LAMB4: variants seen among roughly 807,000 people sequenced by gnomAD.
LAMB4 encodes laminin subunit beta 4, also known as laminin subunit beta-4.
A neutral mutation model predicts 199.2 loss-of-function variants in LAMB4; 196 were observed. The observed-to-expected ratio is 0.98, with a 90% CI of 0.88 to 1.11. The LOEUF (loss-of-function observed/expected upper bound fraction) is 1.11, where lower values mean the gene tolerates loss of function less well. Among genes scored for constraint, LAMB4 ranks in the 50% least tolerant of loss-of-function variants. LAMB4 has a pLI of 0.00. For missense variants in LAMB4, 2,080 were observed against 2,171.2 expected (o/e 0.96, Z 0.83); for synonymous variants, 744 against 770.6 (o/e 0.97, Z 0.57).
chr7:108,066,462 G>T lies in LAMB4; in HGVS notation c.2585C>A (p.Pro862His). ...AGYFGFPSCH[P>H]CPCNRFAELC... is the part of the protein sequence containing the mutation. ...TTCAGCAAACCTATTACAAGGGCAAGGGTGGCAGCTGGGAAATCCAAAGTA... is the reference window on the plus strand; with the variant it reads ...TTCAGCAAACCTATTACAAGGGCAATGGTGGCAGCTGGGAAATCCAAAGTA... Residue 862 changes from proline to histidine, a missense_variant, in exon 20 of 34, where the codon CCT becomes CAT. Physicochemically the swap from Pro to His is moderately conservative, Grantham distance 77. Coordinates refer to ENST00000388781, the MANE Select transcript of LAMB4 (RefSeq NM_007356.3). 1 of 1,614,226 alleles carries T rather than the reference G, an allele frequency of 6.2e-7. No individual in the cohort carries two copies. Among genetic ancestry groups the T allele is most frequent in the South Asian group, 1.1e-5 (1 of 91,080 alleles).
chr7:108,066,540 C>G lies in LAMB4; in HGVS notation c.2507G>C (p.Cys836Ser), dbSNP rs2036350025. ...GCCAGACACCTCTCCATGGCAGGGG[C>G]ACTGTCCTGTTACTTGGTCACATAC... ...DTVCDQVTGQ[C>S]PCHGEVSGRR... Residue 836 changes from cysteine to serine, a missense_variant, in exon 20 of 34, where the codon TGC becomes TCC. Physicochemically the swap from Cys to Ser is moderately radical, Grantham distance 112. Coordinates refer to ENST00000388781, the MANE Select transcript of LAMB4 (RefSeq NM_007356.3). 1 of 1,613,776 alleles carries G rather than the reference C, an allele frequency of 6.2e-7. No homozygotes were observed.
In LAMB4 at chr7:108,067,955, C is replaced by T. The variant is rs954070923; in HGVS notation, c.2446+61G>A. The T allele has an allele frequency of 2.5e-6, 4 of 1,605,644 alleles. No homozygotes were observed. The African/African-American group carries it at 5.3e-5, about 21-fold the overall frequency. On this transcript the variant is annotated intron_variant, in intron 19 of 33. Transcript: ENST00000388781. ...ATTAAAACCCCCCTCCATGACTTTG[C>T]CTGCTGTCAAAATGTCAAGACTGTG...
chr7:108,048,157 GCT>G, intron 27 of LAMB4, 46 bp from the exon 28 acceptor site: 4 of 649,490 alleles, frequency 6.2e-6, no homozygotes, highest in Non-Finnish European at 9.7e-6. Context: ...TGTTGTCAGA[GCT>G]TTTTTTTTTT....
At chr7:108,078,417 G>A (rs866938128) in intron 15 of LAMB4, 101 bp from the exon 16 acceptor site, 79 of 726,820 alleles carry the variant, frequency 1.1e-4, no homozygotes, top group Middle Eastern at 4.9e-4. Context: ...ACTTGAATTT[G>A]CAACCCCTAG....
Position 108,092,515 on chromosome 7 carries a change from T to C in LAMB4, c.1471-99A>G, listed in dbSNP as rs2037447855. 13 of 871,458 alleles carry C rather than the reference T, an allele frequency of 1.5e-5. No homozygotes were observed. The East Asian group carries it at 3.3e-4, about 22-fold the overall frequency. 54.0% of individuals were successfully genotyped at this position (871,458 alleles called of 1,614,324 possible). ...TACAATGCAATTGCCACACGTCAAA[T>C]AGCCAAACAGCCTGCACCATCTCAG... On this transcript the variant is annotated intron_variant, in intron 12 of 33. Transcript: ENST00000388781.
chr7:108,107,279 G>T (rs1211140216), intron 6 of LAMB4, among the ~76,000 whole-genome samples: 2 of 152,172 alleles, frequency 1.3e-5, no homozygotes, highest in African/African-American at 4.8e-5. Flanking sequence ...CTGGGGTGGT[G>T]GTTTACAGAG....
At chr7:108,121,261 T>C (rs1447185310) in intron 2 of LAMB4, among the ~76,000 whole-genome samples, 1 of 152,228 alleles carries the variant, frequency 6.6e-6, no homozygotes, top group Non-Finnish European at 1.5e-5. Flanking sequence ...AAGGAAAATA[T>C]ACAGTAAATT....
chr7:108,111,065 G>C (rs1214357695), intron 4 of LAMB4, among the ~76,000 whole-genome samples: 1 of 152,176 alleles, frequency 6.6e-6, no homozygotes, highest in African/African-American at 2.4e-5. Flanking sequence ...TCATCTTGTG[G>C]GGGTTAAGGA....
rs1399319431 is a variant in LAMB4, at chr7:108,098,422, G to A, written c.1341C>T (p.Thr447=). ...CKPNHYGLSA[T]DPLGCQPCDC... is the part of the protein sequence containing the mutation. ...ACTTACGCTGGCAGCCCAGGGGGTC[G>A]GTGGCGCTTAGTCCGTAGTGGTTGG... Residue 447 remains threonine (T), a synonymous_variant, in exon 11 of 34, where the codon ACC becomes ACT. Transcript: ENST00000388781. 4.6e-6 allele frequency: 7 copies of A among 1,529,924 alleles called. No individual in the cohort carries two copies. Among genetic ancestry groups the A allele is most frequent in the Non-Finnish European group, 6.1e-6 (7 of 1,138,464 alleles). The allele number at this position is 1,529,924 out of a possible 1,614,324, so 94.8% of individuals were successfully genotyped here. A position where few individuals can be genotyped will look rare whatever the true frequency, so the allele number is the denominator to read the frequency against.
At chr7:108,113,949 C>T (rs2038322009) in intron 3 of LAMB4, among the ~76,000 whole-genome samples, 1 of 152,162 alleles carries the variant, frequency 6.6e-6, no homozygotes, top group South Asian at 2.1e-4. Context: ...GAGGTTTTTT[C>T]CAGCTCTAAG....
intron 27 of LAMB4, 150 bp downstream of exon 27, chr7:108,049,176 T>C: frequency 4.6e-6 from 1 of 215,944 alleles, no homozygotes; most frequent in Non-Finnish European, 8.8e-6. Flanking sequence ...TAATAAAACA[T>C]ATATATTTTA....
At chr7:108,097,891 A>T (rs2037672270) in intron 11 of LAMB4, among the ~76,000 whole-genome samples, 1 of 152,200 alleles carries the variant, frequency 6.6e-6, no homozygotes, top group African/African-American at 2.4e-5. Flanking sequence ...TGTTTGTTCC[A>T]GTGGGGAAAA....
chr7:108,028,129 T>G (rs1007002630), intron 33 of LAMB4, among the ~76,000 whole-genome samples: 3 of 152,154 alleles, frequency 2.0e-5, no homozygotes, highest in African/African-American at 7.2e-5. Context: ...AATGTCCATT[T>G]AGATCAAAAT....
At chr7:108,027,706 T>C (rs1584578974) in intron 33 of LAMB4, among the ~76,000 whole-genome samples, 1 of 152,210 alleles carries the variant, frequency 6.6e-6, no homozygotes, top group Non-Finnish European at 1.5e-5. Context: ...GTTAAGGACA[T>C]GATTGCCCCC....
At position 108,091,736 on chromosome 7, in the gene LAMB4, CAT is replaced by C. The variant is rs1366269293; in HGVS notation, c.1589_1590del (p.His530ArgfsTer5). 1.2e-6 allele frequency: 2 copies of C among 1,614,172 alleles called. No individual in the cohort carries two copies. Among genetic ancestry groups the C allele is most frequent in the Non-Finnish European group, 1.7e-6 (2 of 1,180,026 alleles). On this transcript the variant is annotated frameshift_variant, in exon 14 of 34. Transcript: ENST00000388781. LOFTEE classifies it high-confidence loss of function. ...GGTTCAGAGCAGCTACGGCCAGTGA[CAT>C]GTGGGCGGCATTCACACTGCCCATT... ...PKNGQCECRP[H>X]VTGRSCSEPA...
chr7:108,123,653 C>A (rs566573424), intron 1 of LAMB4, among the ~76,000 whole-genome samples: 1 of 152,296 alleles, frequency 6.6e-6, no homozygotes, highest in Non-Finnish European at 1.5e-5. Context: ...GGCAACAGAG[C>A]AAGACACTGG....
intron 15 of LAMB4, among the ~76,000 whole-genome samples, chr7:108,079,125 G>A (rs1350254784): frequency 6.6e-6 from 1 of 152,182 alleles, no homozygotes; most frequent in Non-Finnish European, 1.5e-5. Flanking sequence ...TTCTTAAAAG[G>A]TGGGCGGCAG....
chr7:108,028,443 C>T (rs367954664), intron 33 of LAMB4, among the ~76,000 whole-genome samples: 5 of 151,000 alleles, frequency 3.3e-5, no homozygotes, highest in East Asian at 2.0e-4. Flanking sequence ...TCTCACCCCC[C>T]GTTGAGAACA....
chr7:108,095,321 G>A lies in LAMB4; in HGVS notation c.1377C>T (p.Pro459=), dbSNP rs367669608. ...PLGCQPCDCN[P]LGSLPFLTCD... is the part of the protein sequence containing the mutation. The stretch of plus-strand genomic sequence containing the variant: ...AGGTCAAGAATGGCAGACTCCCAAG[G>A]GGGTTACAGTCGCAGGCTGAAAGCA... The change falls in exon 12 of 34, where the codon CCC becomes CCT. Residue 459 remains proline (P), a synonymous_variant. Coordinates refer to ENST00000388781, the MANE Select transcript of LAMB4 (RefSeq NM_007356.3). 2.9e-5 allele frequency: 47 copies of A among 1,613,576 alleles called. No homozygotes were observed. The African/African-American group carries it at 6.0e-4, about 21-fold the overall frequency.
Sources: allele counts gnomAD v4.1 joint callset (sites outside exome capture counted in the v4.1 genomes callset), GRCh38; gene constraint gnomAD v4.1.1; transcripts MANE v1.5; gene names NCBI Gene and HGNC (gene_info 2026-07-23, HGNC 2026-07-21).